The following CHSY1 variants were observed in gnomAD, a reference collection of about 807,000 sequenced individuals.
The protein encoded by CHSY1 is chondroitin sulfate synthase 1.
A neutral mutation model predicts 59.8 loss-of-function variants in CHSY1; 13 were observed. The observed-to-expected ratio is 0.22, with a 90% CI of 0.14 to 0.35. The LOEUF is 0.35. Among genes scored for constraint, CHSY1 ranks in the 10% least tolerant of loss-of-function variants. The probability of loss-of-function intolerance (pLI) is 1.00; values close to 1 mark genes in which losing one functional copy is unlikely to be tolerated. For missense variants in CHSY1, 947 were observed against 1,030.6 expected, an observed-to-expected ratio of 0.92 and a Z score of 1.11; for synonymous variants, 459 against 401.2, an observed-to-expected ratio of 1.14 and a Z score of -1.72.
At chr15:101,191,573 T>C (rs2038445448) in intron 2 of CHSY1, among the ~76,000 whole-genome samples, 1 of 152,118 alleles carries the variant, frequency 6.6e-6, no homozygotes, top group South Asian at 2.1e-4. Flanking sequence ...GGACTTCGGG[T>C]GATAATGATA....
rs1259705901 is a variant in CHSY1 at position 101,239,795 on chromosome 15, GCA to G, written c.321-4220_321-4219del. 9.5e-3 allele frequency among the ~76,000 whole-genome samples: 1,439 copies of G among 152,240 alleles called. 23 individuals carry two copies. Among genetic ancestry groups the G allele is most frequent in the African/African-American group, 0.033 (1,370 of 41,536 alleles). On this transcript the variant is annotated intron_variant, in intron 1 of 2. Transcript: ENST00000254190. The stretch of plus-strand genomic sequence containing the variant: ...AATGTTACAGGAAAGAGGCCTAACT[GCA>G]AATTTCACGAGCATTTCGCGGTAGA...
In CHSY1 at chr15:101,178,004, T is replaced by C. The variant is rs147303935; in HGVS notation, c.1793A>G (p.Asp598Gly). 76 of 1,614,082 alleles carry C rather than the reference T, an allele frequency of 4.7e-5. No homozygotes were observed. Among genetic ancestry groups the C allele is most frequent in the Non-Finnish European group, 6.4e-5 (76 of 1,180,054 alleles). ...RDYRIKYPKA[D>G]MQILPVSGEF... ...TCCAGACACAGGCAAAATCTGCATGTCGGCTTTAGGGTACTTAATGCGGTA... is the reference window on the plus strand; with the variant it reads ...TCCAGACACAGGCAAAATCTGCATGCCGGCTTTAGGGTACTTAATGCGGTA... Residue 598 changes from aspartate (D) to glycine (G), a missense_variant, in exon 3 of 3, where the codon GAC becomes GGC. Physicochemically the swap from Asp to Gly is moderately conservative, Grantham distance 94. Transcript: ENST00000254190.
chr15:101,219,112 C>T (rs2038763800), intron 2 of CHSY1, among the ~76,000 whole-genome samples: 1 of 152,182 alleles, frequency 6.6e-6, no homozygotes, highest in Non-Finnish European at 1.5e-5. Context: ...GAAGCAGAGG[C>T]TTAGAAGAAT....
At chr15:101,230,885 C>G (rs2038886504) in intron 2 of CHSY1, among the ~76,000 whole-genome samples, 1 of 152,186 alleles carries the variant, frequency 6.6e-6, no homozygotes, top group African/African-American at 2.4e-5. Flanking sequence ...GGTGGCCATT[C>G]ATGTTTCAAT....
intron 2 of CHSY1, among the ~76,000 whole-genome samples, chr15:101,194,831 G>A (rs978179946): frequency 4.6e-5 from 7 of 152,304 alleles, no homozygotes; most frequent in Admixed American, 4.6e-4. Context: ...AGGGTGGGAG[G>A]ATAAACAGTG....
chr15:101,247,315 CTCT>C (rs1236469478), intron 1 of CHSY1, among the ~76,000 whole-genome samples: 8 of 152,176 alleles, frequency 5.3e-5, no homozygotes, highest in Non-Finnish European at 1.0e-4. Context: ...ACACAACTGG[CTCT>C]TCATGATCAA....
At chr15:101,188,139 G>A (rs2072865854) in intron 2 of CHSY1, 3 of 985,414 alleles carry the variant, frequency 3.0e-6, no homozygotes, top group Non-Finnish European at 3.6e-6. Flanking sequence ...GACCATCACT[G>A]CTACAGAGCG....
chr15:101,206,020 A>G (rs1401802225), intron 2 of CHSY1, among the ~76,000 whole-genome samples: 2 of 152,022 alleles, frequency 1.3e-5, no homozygotes, highest in Non-Finnish European at 2.9e-5. Flanking sequence ...AGTGTTTTCT[A>G]TTTCAAGTTC....
rs373440266 is a variant in CHSY1 at position 101,237,554 on chromosome 15, G to A, written c.321-1977C>T. ...AGGGTTTAAGAGACAACGGTTGCCC[G>A]TCGACAGAGGGAAGATGAGTGGTCA... On this transcript the variant is annotated intron_variant, in intron 1 of 2. Transcript: ENST00000254190. Among the ~76,000 whole-genome samples the A allele has an allele frequency of 1.8e-4, 28 of 151,686 alleles. 1 individual carries two copies. The highest frequency in any genetic ancestry group is 1.2e-3 in the East Asian group (6 of 5,162).
At chr15:101,193,446 T>G (rs922164733) in intron 2 of CHSY1, among the ~76,000 whole-genome samples, 1 of 152,086 alleles carries the variant, frequency 6.6e-6, no homozygotes, top group Non-Finnish European at 1.5e-5. Context: ...TTCAGAACAT[T>G]CATTTCTTCC....
intron 1 of CHSY1, among the ~76,000 whole-genome samples, chr15:101,239,132 G>A (rs570293133): frequency 2.0e-5 from 3 of 152,260 alleles, no homozygotes; most frequent in East Asian, 3.9e-4. Flanking sequence ...TTTGGCAGTC[G>A]CAACAATTCT....
chr15:101,183,337 C>T (rs971137825), intron 2 of CHSY1, among the ~76,000 whole-genome samples: 12 of 152,110 alleles, frequency 7.9e-5, no homozygotes, highest in African/African-American at 2.9e-4. Flanking sequence ...AAAAAGCAAT[C>T]TAAAAATTTC....
intron 2 of CHSY1, among the ~76,000 whole-genome samples, chr15:101,206,904 T>TA (rs1048272575): frequency 6.6e-6 from 1 of 152,146 alleles, no homozygotes; most frequent in East Asian, 1.9e-4. Flanking sequence ...GTTTATCTCA[T>TA]AAAAAAAGTC....
intron 1 of CHSY1, among the ~76,000 whole-genome samples, chr15:101,236,129 C>T (rs146637391): frequency 6.6e-6 from 1 of 152,300 alleles, no homozygotes; most frequent in Non-Finnish European, 1.5e-5. Context: ...AAGGGCAGAG[C>T]ACAGGACATG....
chr15:101,198,910 A>G (rs2038538745), intron 2 of CHSY1, among the ~76,000 whole-genome samples: 1 of 152,194 alleles, frequency 6.6e-6, no homozygotes, highest in African/African-American at 2.4e-5. Flanking sequence ...TACACAGCAC[A>G]AAGAGTCTGC....
chr15:101,235,640 C>T (rs748936047), intron 1 of CHSY1, 63 bp from the exon 2 acceptor site: 5 of 1,532,344 alleles, frequency 3.3e-6, no homozygotes, highest in Non-Finnish European at 3.6e-6. Context: ...CAGGAATTCA[C>T]GTTATCTGCT....
chr15:101,193,732 C>G (rs930623101), intron 2 of CHSY1, among the ~76,000 whole-genome samples: 5 of 152,242 alleles, frequency 3.3e-5, no homozygotes, highest in African/African-American at 4.8e-5. Context: ...GGAAAGTCCT[C>G]TATTTAATGT....
At chr15:101,209,670 A>T (rs1273459585) in intron 2 of CHSY1, among the ~76,000 whole-genome samples, 1 of 152,218 alleles carries the variant, frequency 6.6e-6, no homozygotes, top group East Asian at 1.9e-4. Context: ...GAGGAGGAGA[A>T]AGGGCAGTAA....
intron 2 of CHSY1, among the ~76,000 whole-genome samples, chr15:101,191,780 A>T (rs1463655440): frequency 1.3e-5 from 2 of 152,172 alleles, no homozygotes; most frequent in Non-Finnish European, 2.9e-5. Context: ...GGGAAAAAAC[A>T]TCCTCAAATT....
Sources: gnomAD v4.1 joint callset for allele counts (sites outside exome capture counted in the v4.1 genomes callset) on GRCh38, gnomAD v4.1.1 for gene constraint, MANE v1.5 for transcripts, NCBI Gene and HGNC (gene_info 2026-07-23, HGNC 2026-07-21) for gene names.